The following ZFHX3 variants were observed in gnomAD, a reference collection of about 807,000 sequenced individuals.
ZFHX3 encodes zinc finger homeobox protein 3.
ZFHX3 carries 42 observed loss-of-function variants against 279.1 expected under a neutral mutation model. That is an observed-to-expected ratio of 0.15 (90% CI 0.12 to 0.19). The LOEUF (loss-of-function observed/expected upper bound fraction) is 0.19. Ranked by LOEUF, ZFHX3 falls within the 10% of genes least tolerant of loss-of-function variation. The pLI is 1.00. For missense variants in ZFHX3, 4,981 were observed against 4,754.0 expected (o/e 1.05, Z -1.40); for synonymous variants, 2,293 against 1,957.8 (o/e 1.17, Z -4.52).
At chr16:73,280,001 C>T (rs568425838) in intron 4 of ZFHX3, among the ~76,000 whole-genome samples, 2 of 152,008 alleles carry the variant, frequency 1.3e-5, no homozygotes, top group Admixed American at 6.6e-5. Flanking sequence ...ACAAGAGTAC[C>T]AAGAATACAC....
At chr16:73,839,048 G>A (rs952828108) in intron 1 of ZFHX3, among the ~76,000 whole-genome samples, 2 of 151,918 alleles carry the variant, frequency 1.3e-5, no homozygotes, top group Non-Finnish European at 2.9e-5. Context: ...CATCCCAGGC[G>A]GCTGCTACTA....
chr16:73,477,718 A>G (rs1200074929), intron 2 of ZFHX3, among the ~76,000 whole-genome samples: 1 of 152,042 alleles, frequency 6.6e-6, no homozygotes, highest in Non-Finnish European at 1.5e-5. Flanking sequence ...GGCTGATCTC[A>G]CGTGCTTATA....
intron 3 of ZFHX3, among the ~76,000 whole-genome samples, chr16:73,433,763 G>A (rs1019334609): frequency 6.6e-6 from 1 of 152,184 alleles, no homozygotes; most frequent in Non-Finnish European, 1.5e-5. Flanking sequence ...TGGGGAGTGA[G>A]CCTGCAGCGG....
At chr16:73,682,578 G>C (rs1430551702) in intron 1 of ZFHX3, among the ~76,000 whole-genome samples, 1 of 151,936 alleles carries the variant, frequency 6.6e-6, no homozygotes, top group Non-Finnish European at 1.5e-5. Flanking sequence ...CTGAGGTCAA[G>C]AGTTTGAGAC....
chr16:73,080,508 C>T (rs1284892084), intron 8 of ZFHX3, among the ~76,000 whole-genome samples: 1 of 152,172 alleles, frequency 6.6e-6, no homozygotes, highest in African/African-American at 2.4e-5. Context: ...ACACCTCAAA[C>T]TTGAATCTGA....
chr16:73,812,133 C>A (rs2142337775), intron 1 of ZFHX3, among the ~76,000 whole-genome samples: 1 of 152,254 alleles, frequency 6.6e-6, no homozygotes, highest in African/African-American at 2.4e-5. Context: ...CTGTTGCCCA[C>A]TCATTCACCA....
chr16:73,467,992 A>T (rs1027689208), intron 2 of ZFHX3, among the ~76,000 whole-genome samples: 1 of 152,244 alleles, frequency 6.6e-6, no homozygotes, highest in Non-Finnish European at 1.5e-5. Context: ...TTTAATGCCC[A>T]ATGAAATAGA....
chr16:73,536,858 C>T (rs1382661792), intron 2 of ZFHX3, among the ~76,000 whole-genome samples: 1 of 152,070 alleles, frequency 6.6e-6, no homozygotes, highest in Non-Finnish European at 1.5e-5. Context: ...ATGGTAGGCA[C>T]ACATTTAACT....
At chr16:73,740,525 T>A (rs2053647777) in intron 1 of ZFHX3, among the ~76,000 whole-genome samples, 1 of 151,876 alleles carries the variant, frequency 6.6e-6, no homozygotes, top group South Asian at 2.1e-4. Context: ...GCTTCTCAAA[T>A]CATAAGAAAA....
At chr16:73,613,437 G>C (rs1420597714) in intron 2 of ZFHX3, among the ~76,000 whole-genome samples, 1 of 91,452 alleles carries the variant, frequency 1.1e-5, no homozygotes, top group Non-Finnish European at 2.8e-5. Flanking sequence ...CTTAGCTTTT[G>C]CTTTTTTTGT....
At chr16:72,947,271 G>A (rs1960729760) in intron 3 of ZFHX3, among the ~76,000 whole-genome samples, 1 of 149,872 alleles carries the variant, frequency 6.7e-6, no homozygotes, top group Non-Finnish European at 1.5e-5. Flanking sequence ...ACCTAATCCT[G>A]ATTTAAACAT....
At chr16:73,789,107 G>C (rs980216008) in intron 1 of ZFHX3, among the ~76,000 whole-genome samples, 1 of 150,932 alleles carries the variant, frequency 6.6e-6, no homozygotes, top group African/African-American at 2.4e-5. Flanking sequence ...CAGATATCTT[G>C]TAGATATATA....
At chr16:73,553,837 G>A (rs888746297) in intron 2 of ZFHX3, among the ~76,000 whole-genome samples, 1 of 152,116 alleles carries the variant, frequency 6.6e-6, no homozygotes. Flanking sequence ...TCCCACCTAG[G>A]GGGTCTAAGG....
intron 1 of ZFHX3, among the ~76,000 whole-genome samples, chr16:73,807,620 ATTTTTTTT>A (rs55806545): frequency 1.6e-3 from 110 of 70,578 alleles, no homozygotes; most frequent in South Asian, 6.9e-3. Flanking sequence ...CCATGCCCCA[ATTTTTTTT>A]TTTTTTTTTT....
chr16:73,393,428 T>A (rs1472798264), intron 3 of ZFHX3, among the ~76,000 whole-genome samples: 1 of 152,202 alleles, frequency 6.6e-6, no homozygotes. Flanking sequence ...CATACAAATG[T>A]TACATTCAGT....
At chr16:73,003,514 C>CG (rs1307365379) in intron 1 of ZFHX3, among the ~76,000 whole-genome samples, 2 of 135,048 alleles carry the variant, frequency 1.5e-5, no homozygotes, top group Non-Finnish European at 3.3e-5. Context: ...ATGGTGAGAC[C>CG]CCCCCCTCCC....
At chr16:72,952,704 T>G (rs1961054631) in intron 2 of ZFHX3, among the ~76,000 whole-genome samples, 2 of 152,196 alleles carry the variant, frequency 1.3e-5, no homozygotes, top group Non-Finnish European at 2.9e-5. Flanking sequence ...TCTCCCACCC[T>G]GGTCTTTTTC....
chr16:72,959,049 C>T lies in ZFHX3; in HGVS notation c.1097G>A (p.Gly366Asp), dbSNP rs1354411816. Residue 366 changes from glycine (G) to aspartate (D), a missense_variant, in exon 2 of 10, where the codon GGT (glycine) becomes GAT (aspartate). Physicochemically the swap from Gly to Asp is moderately conservative, Grantham distance 94. Around this residue, in one of 7 missense-constraint regions of ZFHX3, gnomAD observed 1,068 missense variants for 935.2 expected, o/e 1.14. Coordinates refer to ENST00000268489, the MANE Select transcript of ZFHX3 (RefSeq NM_006885.4). ...NLIGPGHSFY[G>D]KFSGIRMEGE... ...TTCCATTCGAATGCCACTAAATTTA[C>T]CATAAAAACTGTGTCCGGGGCCTAT... 1.2e-6 allele frequency: 2 copies of T among 1,613,874 alleles called. No homozygotes were observed. Among genetic ancestry groups the T allele is most frequent in the South Asian group, 2.2e-5 (2 of 91,010 alleles).
chr16:73,387,635 T>C (rs529484145), intron 3 of ZFHX3, among the ~76,000 whole-genome samples: 2 of 152,234 alleles, frequency 1.3e-5, no homozygotes, highest in South Asian at 4.2e-4. Context: ...CAAGAGTCTT[T>C]AAATCTGAGA....
Sources: gnomAD v4.1 joint callset for allele counts (sites outside exome capture counted in the v4.1 genomes callset) on GRCh38, gnomAD v4.1.1 for gene constraint, gnomAD v4.1.1 regional missense constraint, MANE v1.5 for transcripts, NCBI Gene and HGNC (gene_info 2026-07-23, HGNC 2026-07-21) for gene names.